Variants in SDK1 observed in about 807,000 individuals in gnomAD.
SDK1 encodes sidekick cell adhesion molecule 1.
In SDK1, 157 loss-of-function variants were observed where a neutral mutation model predicts 245.5. That is an observed-to-expected ratio of 0.64 (90% CI 0.56 to 0.73). SDK1 has a LOEUF of 0.73. Ranked by LOEUF, SDK1 falls within the 30% of genes least tolerant of loss-of-function variation. The pLI is 0.00. For synonymous variants in SDK1, 1,647 were observed against 1,278.5 expected (o/e 1.29, Z -6.15); for missense variants, 3,583 against 3,002.3 (o/e 1.19, Z -4.52).
chr7:3,376,071 C>T lies in SDK1; in HGVS notation c.298+74187C>T, dbSNP rs188451981. Among the ~76,000 whole-genome samples the T allele has an allele frequency of 3.3e-5, 5 of 152,218 alleles. No homozygotes were observed. The East Asian group carries it at 7.7e-4, about 24-fold the overall frequency. On this transcript the variant is annotated intron_variant, in intron 1 of 44. Coordinates refer to ENST00000404826, the MANE Select transcript of SDK1 (RefSeq NM_152744.4). ...GATGTGCTGGGCATGGTAGCTTATG[C>T]CTGCAATCCTAGTGCTTTGGGAGGC...
At chr7:4,109,440 G>A (rs1783182526) in intron 22 of SDK1, among the ~76,000 whole-genome samples, 1 of 152,202 alleles carries the variant, frequency 6.6e-6, no homozygotes, top group Non-Finnish European at 1.5e-5. Context: ...TGCACACTTA[G>A]TGAGCACGTT....
At chr7:3,373,037 A>G (rs930914045) in intron 1 of SDK1, among the ~76,000 whole-genome samples, 31 of 152,384 alleles carry the variant, frequency 2.0e-4, no homozygotes, top group African/African-American at 6.7e-4. Flanking sequence ...TCTATGCTCA[A>G]TATTAAGAAT....
At chr7:3,927,544 ACAGT>A (rs754825328) in intron 5 of SDK1, among the ~76,000 whole-genome samples, 1 of 152,186 alleles carries the variant, frequency 6.6e-6, no homozygotes, top group Non-Finnish European at 1.5e-5. Flanking sequence ...CTTAGACTTC[ACAGT>A]CAGAGGCCTC....
chr7:3,757,460 C>T lies in SDK1; in HGVS notation c.714-63990C>T, dbSNP rs1052781393. Among the ~76,000 whole-genome samples, 6 of 152,242 alleles carry T rather than the reference C, an allele frequency of 3.9e-5. No individual in the cohort carries two copies. In the East Asian group the frequency reaches 1.2e-3, roughly 29 times the overall value. ...CTGTGTTGCCTAGGCTGGTCTCAAA[C>T]TCCTGGCCTCAAGCAGTCCTCCCAC... On this transcript the variant is annotated intron_variant, in intron 4 of 44. Coordinates refer to ENST00000404826, the MANE Select transcript of SDK1 (RefSeq NM_152744.4).
chr7:4,013,478 A>G (rs1300139272), intron 16 of SDK1, among the ~76,000 whole-genome samples: 1 of 152,252 alleles, frequency 6.6e-6, no homozygotes, highest in African/African-American at 2.4e-5. Flanking sequence ...ATCAGTAAAC[A>G]GTGGCTAACA....
chr7:3,499,899 A>G (rs914837123), intron 1 of SDK1, among the ~76,000 whole-genome samples: 2 of 152,220 alleles, frequency 1.3e-5, no homozygotes, highest in African/African-American at 4.8e-5. Flanking sequence ...TAAGTTCACT[A>G]TGAGTAGATC....
At chr7:3,551,812 A>AT (rs1424745804) in intron 1 of SDK1, among the ~76,000 whole-genome samples, 1 of 152,002 alleles carries the variant, frequency 6.6e-6, no homozygotes, top group African/African-American at 2.4e-5. Context: ...AAGAGTTGAG[A>AT]TTACAGGCAT....
chr7:3,537,204 A>G (rs1160726484), intron 1 of SDK1, among the ~76,000 whole-genome samples: 1 of 152,218 alleles, frequency 6.6e-6, no homozygotes, highest in African/African-American at 2.4e-5. Context: ...TGTTTGGAAC[A>G]TTGAATAAAT....
intron 1 of SDK1, among the ~76,000 whole-genome samples, chr7:3,484,320 A>G (rs1781611072): frequency 6.6e-6 from 1 of 152,186 alleles, no homozygotes; most frequent in Admixed American, 6.5e-5. Context: ...TAGATCGAAA[A>G]TACATATTCA....
chr7:4,023,658 G>A (rs962976863), intron 17 of SDK1, among the ~76,000 whole-genome samples: 4 of 152,142 alleles, frequency 2.6e-5, no homozygotes, highest in African/African-American at 9.7e-5. Context: ...TTTTCTTACT[G>A]CCAGTGTTTA....
chr7:3,948,656 G>A (rs1015713604), intron 5 of SDK1, among the ~76,000 whole-genome samples: 2 of 152,190 alleles, frequency 1.3e-5, no homozygotes, highest in Non-Finnish European at 1.5e-5. Context: ...GGATGTGTGC[G>A]GTGCCTGCGG....
At chr7:3,889,323 G>A (rs562763007) in intron 5 of SDK1, among the ~76,000 whole-genome samples, 18 of 152,180 alleles carry the variant, frequency 1.2e-4, no homozygotes, top group Non-Finnish European at 2.5e-4. Flanking sequence ...CCCTGTCCTG[G>A]CCCCTGGCAT....
At chr7:3,781,807 C>T (rs1175890660) in intron 4 of SDK1, among the ~76,000 whole-genome samples, 1 of 152,030 alleles carries the variant, frequency 6.6e-6, no homozygotes, top group South Asian at 2.1e-4. Flanking sequence ...GCAGAAGACA[C>T]TGTCGAGCAG....
intron 17 of SDK1, among the ~76,000 whole-genome samples, chr7:4,042,511 G>A (rs1339378433): frequency 7.3e-6 from 1 of 136,296 alleles, no homozygotes; most frequent in African/African-American, 3.4e-5. Flanking sequence ...GAATTATCCA[G>A]TGAAAAGATA....
intron 5 of SDK1, among the ~76,000 whole-genome samples, chr7:3,927,249 G>A (rs969272686): frequency 5.9e-5 from 9 of 152,208 alleles, no homozygotes; most frequent in South Asian, 2.1e-4. Flanking sequence ...AAAAAGTAAC[G>A]TTCCAAAGCA....
Position 3,626,687 on chromosome 7 carries a change from A to G in SDK1, c.458+7448A>G, listed in dbSNP as rs533522533. Among the ~76,000 whole-genome samples, 5 of 152,266 alleles carry G rather than the reference A, an allele frequency of 3.3e-5. No individual in the cohort carries two copies. In the South Asian group the frequency reaches 1.0e-3, roughly 32 times the overall value. On this transcript the variant is annotated intron_variant, in intron 2 of 44. Transcript: ENST00000404826. ...GCACCAGCCCTAGTGTCTTAGAGTG[A>G]TTAGAGTCATTTACCTCCATCAGTG...
chr7:3,693,424 C>T (rs896035472), intron 4 of SDK1, among the ~76,000 whole-genome samples: 2 of 152,114 alleles, frequency 1.3e-5, no homozygotes, highest in South Asian at 2.1e-4. Flanking sequence ...GATTTTGATT[C>T]GAATTACATT....
intron 4 of SDK1, among the ~76,000 whole-genome samples, chr7:3,650,727 G>A (rs1445044461): frequency 2.0e-5 from 3 of 151,944 alleles, no homozygotes; most frequent in African/African-American, 7.3e-5. Context: ...CCCTTCTTAA[G>A]CCCTAATAAT....
intron 1 of SDK1, among the ~76,000 whole-genome samples, chr7:3,529,266 G>A (rs1179813606): frequency 6.6e-6 from 1 of 152,162 alleles, no homozygotes; most frequent in Non-Finnish European, 1.5e-5. Flanking sequence ...TATCAGCAGT[G>A]AGTTTGCCAA....
Sources: gnomAD v4.1 joint callset for allele counts (sites outside exome capture counted in the v4.1 genomes callset) on GRCh38, gnomAD v4.1.1 for gene constraint, MANE v1.5 for transcripts, NCBI Gene and HGNC (gene_info 2026-07-23, HGNC 2026-07-21) for gene names.